KIF26A: variants seen among roughly 807,000 people sequenced by gnomAD.
The protein encoded by KIF26A is kinesin family member 26A.
A neutral mutation model predicts 126.0 loss-of-function variants in KIF26A; 74 were observed. The observed-to-expected ratio is 0.59, with a 90% CI of 0.49 to 0.71. KIF26A has a LOEUF of 0.71. Ranked by LOEUF, KIF26A falls within the 30% of genes least tolerant of loss-of-function variation. The pLI is 0.00. For synonymous variants in KIF26A, 1,445 were observed against 1,232.7 expected (o/e 1.17, Z -3.61); for missense variants, 2,984 against 2,763.3 (o/e 1.08, Z -1.79).
chr14:104,142,785 C>A (rs369913767), intron 2 of KIF26A, among the ~76,000 whole-genome samples: 2 of 152,256 alleles, frequency 1.3e-5, no homozygotes, highest in Non-Finnish European at 2.9e-5. Flanking sequence ...AGCAGGAGCT[C>A]TGCCAGGTCA....
chr14:104,159,302 G>A (rs1025741749), intron 4 of KIF26A, among the ~76,000 whole-genome samples: 2 of 152,270 alleles, frequency 1.3e-5, no homozygotes, highest in Non-Finnish European at 2.9e-5. Flanking sequence ...TAAAGGGCCT[G>A]TGCGGCTGTT....
intron 2 of KIF26A, among the ~76,000 whole-genome samples, chr14:104,139,969 G>A (rs1211555681): frequency 6.6e-6 from 1 of 152,228 alleles, no homozygotes; most frequent in East Asian, 1.9e-4. Context: ...TTTGGAGGGA[G>A]CAGGGACCAT....
intron 5 of KIF26A, among the ~76,000 whole-genome samples, chr14:104,170,680 G>C (rs570978759): frequency 6.6e-6 from 1 of 152,252 alleles, no homozygotes; most frequent in Non-Finnish European, 1.5e-5. Flanking sequence ...GGTGGCCCTC[G>C]TGTGCGCAGC....
Position 104,176,547 on chromosome 14 carries a change from G to A in KIF26A, c.3759G>A (p.Gln1253=). ...WLLRVGECDT[Q]AASAGRAPSP... Reference sequence around the variant, plus strand: ...TCCGGGTAGGGGAGTGTGATACCCAGGCAGCTTCTGCTGGCAGGGCCCCCA... The same window carrying A: ...TCCGGGTAGGGGAGTGTGATACCCAAGCAGCTTCTGCTGGCAGGGCCCCCA... The change falls in exon 12 of 15, where the codon CAG becomes CAA. Residue 1253 remains glutamine (Q), a synonymous_variant. Transcript: ENST00000423312. 2 of 1,605,758 alleles carry A rather than the reference G, an allele frequency of 1.2e-6. No homozygotes were observed. Among genetic ancestry groups the A allele is most frequent in the Non-Finnish European group, 1.7e-6 (2 of 1,179,684 alleles).
In KIF26A at chr14:104,175,408, G is replaced by C. The variant is rs765433876; in HGVS notation, c.2620G>C (p.Gly874Arg). 1 of 1,594,956 alleles carries C rather than the reference G, an allele frequency of 6.3e-7. No individual in the cohort carries two copies. Among genetic ancestry groups the C allele is most frequent in the Non-Finnish European group, 8.5e-7 (1 of 1,176,574 alleles). Residue 874 changes from glycine (G) to arginine (R), a missense_variant, in exon 12 of 15, where the codon GGG becomes CGG. Transcript: ENST00000423312. ...TDGAQASPAR[G>R]GRKPSPPEAA... ...CGGAGCTCAGGCCAGCCCCGCCCGA[G>C]GGGGCCGGAAGCCCTCGCCACCAGA...
intron 3 of KIF26A, among the ~76,000 whole-genome samples, chr14:104,153,950 T>C (rs1020987379): frequency 6.6e-6 from 1 of 152,178 alleles, no homozygotes; most frequent in Non-Finnish European, 1.5e-5. Flanking sequence ...CCCAGCGTTA[T>C]GTGCACATTG....
intron 4 of KIF26A, among the ~76,000 whole-genome samples, chr14:104,166,006 C>T (rs1195820185): frequency 1.3e-5 from 2 of 152,162 alleles, no homozygotes; most frequent in African/African-American, 4.8e-5. Context: ...GGAGACTCTG[C>T]ACCTTCTGGG....
In KIF26A at chr14:104,176,779, G is replaced by T. The variant is rs1316836252; in HGVS notation, c.3991G>T (p.Ala1331Ser). 5 of 1,574,796 alleles carry T rather than the reference G, an allele frequency of 3.2e-6. No individual in the cohort carries two copies. The African/African-American group carries it at 5.4e-5, about 17-fold the overall frequency. Reference protein sequence around the residue: ...SWGDAPTEVVACSGSLKASPT... With the variant: ...SWGDAPTEVVSCSGSLKASPT... Reference sequence around the variant, plus strand: ...GGGAGATGCTCCCACGGAGGTGGTGGCCTGCTCGGGGAGCCTGAAGGCCTC... The same window carrying T: ...GGGAGATGCTCCCACGGAGGTGGTGTCCTGCTCGGGGAGCCTGAAGGCCTC... Residue 1331 changes from alanine (A) to serine (S), a missense_variant, in exon 12 of 15, where the codon GCC becomes TCC. Coordinates refer to ENST00000423312, the MANE Select transcript of KIF26A (RefSeq NM_015656.2).
At position 104,139,267 on chromosome 14, in the gene KIF26A, C is replaced by A; in HGVS notation, c.267C>A (p.Ser89Arg). Reference protein sequence around the residue: ...ELKRQAWKLVSGPGTTLRDPC... With the variant: ...ELKRQAWKLVRGPGTTLRDPC... ...AGCGACAGGCGTGGAAGCTGGTCAG[C>A]GGGCCCGGGACCACCCTCCGGGTAA... Residue 89 changes from serine to arginine, a missense_variant, in exon 2 of 15, where the codon AGC becomes AGA. By Grantham distance (110) the Ser-to-Arg change is moderately radical. Coordinates refer to ENST00000423312, the MANE Select transcript of KIF26A (RefSeq NM_015656.2). 6.5e-7 allele frequency: 1 copy of A among 1,530,168 alleles called. No individual in the cohort carries two copies. The highest frequency in any genetic ancestry group is 2.5e-5 in the East Asian group (1 of 39,898). 94.8% of individuals were successfully genotyped at this position (1,530,168 alleles called of 1,614,324 possible). A position where few individuals can be genotyped will look rare whatever the true frequency, so the allele number is the denominator to read the frequency against.
In KIF26A at chr14:104,157,916, C is replaced by T. The variant is rs756776236; in HGVS notation, c.897C>T (p.Pro299=). 5.2e-6 allele frequency: 8 copies of T among 1,528,106 alleles called. No homozygotes were observed. The highest frequency in any genetic ancestry group is 7.0e-6 in the Non-Finnish European group (8 of 1,136,544). The allele number at this position is 1,528,106 out of a possible 1,614,324, so 94.7% of individuals were successfully genotyped here. The change falls in exon 4 of 15, where the codon CCC becomes CCT. Residue 299 remains proline, a synonymous_variant. Coordinates refer to ENST00000423312, the MANE Select transcript of KIF26A (RefSeq NM_015656.2). The stretch of plus-strand genomic sequence containing the variant: ...GCTCGGTGGGGGGCTCCACAGGCCC[C>T]TCAGCTGCAGCCTCCTTCTTCATAA... ...TPGSVGGSTG[P]SAAASFFIRA...
At position 104,171,706 on chromosome 14, in the gene KIF26A, G is replaced by C; in HGVS notation, c.1114-17G>C. 6.5e-7 allele frequency: 1 copy of C among 1,544,544 alleles called. No homozygotes were observed. Among genetic ancestry groups the C allele is most frequent in the Non-Finnish European group, 8.7e-7 (1 of 1,143,806 alleles). On this transcript the variant is annotated splice_polypyrimidine_tract_variant and intron_variant, in intron 5 of 14. Transcript: ENST00000423312. ...GGGCGGAGGCAGCTTCTCAGGTGCC[G>C]CCCACCTCTGCCCCAGGTGAAGGTT...
In KIF26A at chr14:104,166,901, C is replaced by T. The variant is rs1167447996; in HGVS notation, c.966C>T (p.Pro322=). ...KLSLASKRKK[P]HPPPPPATRG... The stretch of plus-strand genomic sequence containing the variant: ...GCCTGGCCTCCAAGAGGAAGAAGCC[C>T]CACCCGCCACCGCCTCCAGCCACCC... Residue 322 remains proline, a synonymous_variant, in exon 5 of 15, where the codon CCC becomes CCT. Transcript: ENST00000423312. 1.3e-6 allele frequency: 2 copies of T among 1,588,660 alleles called. No homozygotes were observed. The highest frequency in any genetic ancestry group is 2.3e-5 in the East Asian group (1 of 43,486).
At chr14:104,159,893 C>T (rs1404415868) in intron 4 of KIF26A, among the ~76,000 whole-genome samples, 1 of 152,082 alleles carries the variant, frequency 6.6e-6, no homozygotes, top group East Asian at 1.9e-4. Context: ...AGGGGGTGTC[C>T]ACTCCTGGGT....
At chr14:104,178,503 G>A in intron 12 of KIF26A, 47 bp from the exon 13 acceptor site, 1 of 1,375,828 alleles carries the variant, frequency 7.3e-7, no homozygotes, top group South Asian at 1.6e-5. Context: ...GCTGTGCTTG[G>A]GCTGGGCCCC....
At chr14:104,171,350 G>A (rs922890756) in intron 5 of KIF26A, among the ~76,000 whole-genome samples, 9 of 152,226 alleles carry the variant, frequency 5.9e-5, no homozygotes, top group Non-Finnish European at 1.3e-4. Context: ...TGCGAGGGCT[G>A]GGCCAGGGGG....
In KIF26A at chr14:104,151,926, G is replaced by A. The variant is rs574292697; in HGVS notation, c.289-89G>A. The A allele has an allele frequency of 1.0e-4, 124 of 1,191,338 alleles. 1 individual carries two copies. The African/African-American group carries it at 1.5e-3, about 14-fold the overall frequency. 73.8% of individuals were successfully genotyped at this position (1,191,338 alleles called of 1,614,324 possible). On this transcript the variant is annotated intron_variant, in intron 2 of 14. Coordinates refer to ENST00000423312, the MANE Select transcript of KIF26A (RefSeq NM_015656.2). The surrounding 1 kb of genome is among the most constrained non-coding windows in gnomAD (Gnocchi z 4.9). ...CGGTGGCCAGGCGGGAGCTCGCAGC[G>A]TCATGGACGGTGAGAGTGCTGGTGG... is the stretch of plus-strand genomic sequence containing the variant.
rs1013746676 is a variant in KIF26A at position 104,180,835 on chromosome 14, A to G, written c.*1045A>G. On this transcript the variant is annotated 3_prime_UTR_variant, in exon 15 of 15. Coordinates refer to ENST00000423312, the MANE Select transcript of KIF26A (RefSeq NM_015656.2). ...CATAGGACGTCTGAACCTTTGTACAAATGTGTAGATGACATCTTGCTACAG... is the reference window on the plus strand; with the variant it reads ...CATAGGACGTCTGAACCTTTGTACAGATGTGTAGATGACATCTTGCTACAG... 4 of 153,964 alleles carry G rather than the reference A, an allele frequency of 2.6e-5. No individual in the cohort carries two copies. The highest frequency in any genetic ancestry group is 9.6e-5 in the African/African-American group (4 of 41,512). The allele number at this position is 153,964 out of a possible 1,614,324, so 9.5% of individuals were successfully genotyped here.
At chr14:104,165,113 G>GTA (rs1465505996) in intron 4 of KIF26A, among the ~76,000 whole-genome samples, 2 of 151,240 alleles carry the variant, frequency 1.3e-5, no homozygotes, top group African/African-American at 4.9e-5. Flanking sequence ...CTCTGTGTGT[G>GTA]TGTCTCTGCA....
At position 104,138,641 on chromosome 14, in the gene KIF26A, G is replaced by A. The variant is rs2141084735; in HGVS notation, c.-82G>A. The A allele has an allele frequency of 1.8e-6, 2 of 1,135,942 alleles. No homozygotes were observed. The highest frequency in any genetic ancestry group is 3.8e-5 in the East Asian group (1 of 26,112). 70.4% of individuals were successfully genotyped at this position (1,135,942 alleles called of 1,614,324 possible). The stretch of plus-strand genomic sequence containing the variant: ...CTGGGCCGGGCCATGGGGGCGCCTC[G>A]GGGCCGGATCACGTAGCCGCGGCGC... On this transcript the variant is annotated 5_prime_UTR_variant, in exon 1 of 15. Transcript: ENST00000423312.
Sources: gnomAD v4.1 joint callset for allele counts (sites outside exome capture counted in the v4.1 genomes callset) on GRCh38, gnomAD v4.1.1 for gene constraint, Gnocchi (gnomAD v3.1) non-coding constraint, MANE v1.5 for transcripts, NCBI Gene and HGNC (gene_info 2026-07-23, HGNC 2026-07-21) for gene names.